The following MPPED1 variants were observed in gnomAD, a reference collection of about 807,000 sequenced individuals.
MPPED1 encodes metallophosphoesterase domain containing 1, also known as metallophosphoesterase domain-containing protein 1.
Under a neutral mutation model 36.2 loss-of-function variants are expected in MPPED1, and 16 were observed. The observed-to-expected ratio is 0.44, with a 90% CI of 0.30 to 0.67. The LOEUF (loss-of-function observed/expected upper bound fraction) is 0.67, where lower values mean the gene tolerates loss of function less well. Ranked by LOEUF, MPPED1 falls within the 30% of genes least tolerant of loss-of-function variation. The pLI, the probability that MPPED1 is intolerant of heterozygous loss-of-function variation, is 0.10. For missense variants in MPPED1, 307 were observed against 453.4 expected (o/e 0.68, Z 2.93); for synonymous variants, 199 against 191.3 (o/e 1.04, Z -0.33).
chr22:43,460,977 C>T (rs144564125), intron 3 of MPPED1, among the ~76,000 whole-genome samples: 4 of 152,320 alleles, frequency 2.6e-5, no homozygotes, highest in Admixed American at 6.5e-5. Flanking sequence ...CCTTGGGAAG[C>T]TGTGATGTTA....
intron 3 of MPPED1, among the ~76,000 whole-genome samples, chr22:43,463,818 TC>T (rs1931048109): frequency 2.6e-5 from 2 of 78,188 alleles, no homozygotes; most frequent in Non-Finnish European, 5.5e-5. Flanking sequence ...TTTCTTTCTT[TC>T]TTTCTTTCTT....
intron 1 of MPPED1, among the ~76,000 whole-genome samples, chr22:43,422,516 C>T (rs1012926832): frequency 2.0e-5 from 3 of 152,078 alleles, no homozygotes; most frequent in Non-Finnish European, 2.9e-5. Context: ...GAGAAGCCAC[C>T]GCAAGGATTT....
chr22:43,472,144 A>G (rs1326855339), intron 3 of MPPED1, among the ~76,000 whole-genome samples: 1 of 152,226 alleles, frequency 6.6e-6, no homozygotes, highest in African/African-American at 2.4e-5. Flanking sequence ...TGACTGGACC[A>G]GTTAAATTGT....
At chr22:43,429,109 A>C (rs1929585223) in intron 2 of MPPED1, among the ~76,000 whole-genome samples, 1 of 152,196 alleles carries the variant, frequency 6.6e-6, no homozygotes, top group Non-Finnish European at 1.5e-5. Context: ...GGAAGGCCAC[A>C]GCTGCGTGCC....
chr22:43,424,209 G>A (rs1281210406), intron 1 of MPPED1, among the ~76,000 whole-genome samples: 1 of 152,216 alleles, frequency 6.6e-6, no homozygotes, highest in African/African-American at 2.4e-5. Context: ...AGAGATGGTA[G>A]TGAGGCATCG....
intron 3 of MPPED1, among the ~76,000 whole-genome samples, chr22:43,457,851 A>T (rs1319489764): frequency 6.6e-6 from 1 of 152,180 alleles, no homozygotes; most frequent in Non-Finnish European, 1.5e-5. Flanking sequence ...ATTTTTGTGC[A>T]TTATAAGCTC....
chr22:43,489,710 G>A (rs559719789), intron 4 of MPPED1, among the ~76,000 whole-genome samples: 1 of 152,198 alleles, frequency 6.6e-6, no homozygotes, highest in Admixed American at 6.5e-5. Context: ...GTAGAGACGG[G>A]TTTTCACCAC....
Position 43,502,212 on chromosome 22 carries a change from C to T in MPPED1, c.749-432C>T, listed in dbSNP as rs1021533822. Among the ~76,000 whole-genome samples, 4 of 152,122 alleles carry T rather than the reference C, an allele frequency of 2.6e-5. No individual in the cohort carries two copies. Among genetic ancestry groups the T allele is most frequent in the African/African-American group, 4.8e-5 (2 of 41,422 alleles). ...CTCACTCCTGGGCTGTGTATCAGGA[C>T]GCCCTGCTCTGCAACTAACCACCAG... is the stretch of plus-strand genomic sequence containing the variant. On this transcript the variant is annotated intron_variant, in intron 5 of 6. Coordinates refer to ENST00000443721, the MANE Select transcript of MPPED1 (RefSeq NM_001044370.2). The surrounding 1 kb of genome is among the most constrained non-coding windows in gnomAD (Gnocchi z 5.5).
intron 3 of MPPED1, among the ~76,000 whole-genome samples, chr22:43,467,456 T>C (rs1427291294): frequency 1.3e-5 from 2 of 152,246 alleles, no homozygotes; most frequent in East Asian, 1.9e-4. Flanking sequence ...TTTCTCTGCA[T>C]GGTCAGCCAC....
At chr22:43,504,893 G>A (rs1424335596) in intron 6 of MPPED1, among the ~76,000 whole-genome samples, 14 of 151,286 alleles carry the variant, frequency 9.3e-5, no homozygotes, top group Admixed American at 7.3e-4. Context: ...GATGATAAGG[G>A]CGGTGATGTT....
chr22:43,452,691 A>G (rs900295525), intron 3 of MPPED1, among the ~76,000 whole-genome samples: 4 of 150,058 alleles, frequency 2.7e-5, no homozygotes, highest in African/African-American at 9.8e-5. Flanking sequence ...GTGCAGTGGC[A>G]TGATCACGGC....
intron 3 of MPPED1, among the ~76,000 whole-genome samples, chr22:43,443,172 G>A (rs557299924): frequency 6.6e-6 from 1 of 152,320 alleles, no homozygotes; most frequent in East Asian, 1.9e-4. Context: ...CCCCTGGGAG[G>A]GTCATGCACG....
intron 2 of MPPED1, among the ~76,000 whole-genome samples, chr22:43,426,501 G>T (rs1441987086): frequency 6.6e-6 from 1 of 152,156 alleles, no homozygotes; most frequent in African/African-American, 2.4e-5. Flanking sequence ...GGCCGCCTCT[G>T]GGGCTGTGAT....
intron 4 of MPPED1, among the ~76,000 whole-genome samples, chr22:43,475,913 T>A (rs935933086): frequency 1.6e-5 from 2 of 123,832 alleles, no homozygotes; most frequent in Non-Finnish European, 3.5e-5. Context: ...ATGGTGATGA[T>A]GGTGAAGATG....
At chr22:43,450,757 G>A (rs963868185) in intron 3 of MPPED1, among the ~76,000 whole-genome samples, 34 of 151,820 alleles carry the variant, frequency 2.2e-4, no homozygotes, top group African/African-American at 5.8e-4. Flanking sequence ...TCAGAGTTTC[G>A]TTCTTGCTGC....
In MPPED1 at chr22:43,506,141, G is replaced by A. The variant is rs1187748498; in HGVS notation, c.*525G>A. The A allele has an allele frequency of 1.3e-5, 2 of 152,928 alleles. No individual in the cohort carries two copies. The highest frequency in any genetic ancestry group is 1.3e-4 in the Admixed American group (2 of 15,298). The allele number at this position is 152,928 out of a possible 1,614,324, so 9.5% of individuals were successfully genotyped here. A position where few individuals can be genotyped will look rare whatever the true frequency, so the allele number is the denominator to read the frequency against. ...GGAGGCCCTCCGAGGGAGCATTTAGGGACATCTCAGGAATTCAGACCGCAC... is the reference window on the plus strand; with the variant it reads ...GGAGGCCCTCCGAGGGAGCATTTAGAGACATCTCAGGAATTCAGACCGCAC... On this transcript the variant is annotated 3_prime_UTR_variant, in exon 7 of 7. Coordinates refer to ENST00000443721, the MANE Select transcript of MPPED1 (RefSeq NM_001044370.2).
chr22:43,462,327 A>G (rs1196387808), intron 3 of MPPED1, among the ~76,000 whole-genome samples: 1 of 152,236 alleles, frequency 6.6e-6, no homozygotes, highest in Non-Finnish European at 1.5e-5. Context: ...TACAGGGCTT[A>G]TGCTCAAGAT....
At chr22:43,471,620 TC>T (rs942495917) in intron 3 of MPPED1, among the ~76,000 whole-genome samples, 2 of 152,218 alleles carry the variant, frequency 1.3e-5, no homozygotes, top group African/African-American at 4.8e-5. Context: ...TGCTGTGTCC[TC>T]CCGGACCCAC....
chr22:43,421,384 GC>G (rs1929269325), intron 1 of MPPED1, among the ~76,000 whole-genome samples: 1 of 152,260 alleles, frequency 6.6e-6, no homozygotes, highest in Non-Finnish European at 1.5e-5. Context: ...AGCGCGGAGC[GC>G]CTCCGGGAGC....
Sources: gnomAD v4.1 joint callset for allele counts (sites outside exome capture counted in the v4.1 genomes callset) on GRCh38, gnomAD v4.1.1 for gene constraint, Gnocchi (gnomAD v3.1) non-coding constraint, MANE v1.5 for transcripts, NCBI Gene and HGNC (gene_info 2026-07-23, HGNC 2026-07-21) for gene names.